Variants in CFAP47 observed in about 807,000 individuals in gnomAD.
CFAP47 encodes the protein cilia and flagella associated protein 47, also known as cilia- and flagella-associated protein 47.
Under a neutral mutation model 148.1 loss-of-function variants are expected in CFAP47, and 29 were observed. The observed-to-expected ratio is 0.20, with a 90% confidence interval of 0.15 to 0.27. CFAP47 has a LOEUF of 0.27. CFAP47 is among the 10% of genes least tolerant of loss of function. The probability of loss-of-function intolerance (pLI) is 1.00; values close to 1 mark genes in which losing one functional copy is unlikely to be tolerated. For missense variants in CFAP47, 1,872 were observed against 1,697.5 expected, an observed-to-expected ratio of 1.10 and a Z score of -1.81; for synonymous variants, 664 against 577.3, an observed-to-expected ratio of 1.15 and a Z score of -2.15.
At chrX:36,141,398 G>A (rs1351647747) in intron 35 of CFAP47, among the ~76,000 whole-genome samples, 1 of 111,544 alleles carries the variant, frequency 9.0e-6, no homozygotes, top group Non-Finnish European at 1.9e-5. Flanking sequence ...CTCTGGAAGG[G>A]AGAGAAAGCA....
At chrX:36,035,949 GTTAT>G in intron 24 of CFAP47, 95 bp downstream of exon 24, 1 of 271,250 alleles carries the variant, frequency 3.7e-6, no homozygotes, top group Non-Finnish European at 6.5e-6. Flanking sequence ...TAGATTATTT[GTTAT>G]TTCTTTTAAT....
intron 44 of CFAP47, 64 bp from the exon 45 acceptor site, chrX:36,204,893 G>A: frequency 6.8e-6 from 2 of 294,771 alleles, no homozygotes; most frequent in Non-Finnish European, 1.2e-5. Context: ...ACATAATGCT[G>A]TCTTTTGTGT....
intron 60 of CFAP47, among the ~76,000 whole-genome samples, chrX:36,354,480 C>CA (rs869120972): frequency 0.16 from 6,249 of 39,859 alleles, 456 homozygotes; most frequent in East Asian, 0.34. Context: ...GACTCTGTCT[C>CA]AAAAAAAAAA....
intron 62 of CFAP47, among the ~76,000 whole-genome samples, 164 bp from the exon 63 acceptor site, chrX:36,379,186 G>A (rs1378812717): frequency 9.8e-5 from 11 of 112,389 alleles, no homozygotes; most frequent in African/African-American, 3.6e-4. Flanking sequence ...AATGACTTCA[G>A]TAATTTTTTT....
chrX:35,967,619 G>C lies in CFAP47; in HGVS notation c.1601G>C (p.Gly534Ala), dbSNP rs1301436302. The C allele has an allele frequency of 8.4e-7, 1 of 1,194,983 alleles. No individual in the cohort carries two copies. The highest frequency in any genetic ancestry group is 1.8e-5 in the South Asian group (1 of 56,379). Residue 534 changes from glycine (G) to alanine (A), a missense_variant and splice_region_variant, in exon 10 of 64, where the codon GGT becomes GCT. Physicochemically the swap from Gly to Ala is moderately conservative, Grantham distance 60. Transcript: ENST00000378653. ...AAACTTATATTCAATTCTATAAAAGGTATATTGCCTTCGATCCGTAATCCC... is the reference window on the plus strand; with the variant it reads ...AAACTTATATTCAATTCTATAAAAGCTATATTGCCTTCGATCCGTAATCCC... ...TKKVVMKFDPGILPSIRNPTG... is the reference protein window; with the variant it reads ...TKKVVMKFDPAILPSIRNPTG...
chrX:36,271,939 G>A (rs189203215), intron 49 of CFAP47, among the ~76,000 whole-genome samples: 2 of 111,805 alleles, frequency 1.8e-5, no homozygotes, highest in East Asian at 2.8e-4. Context: ...ACAGTGGCAG[G>A]CACATCAATT....
chrX:35,998,327 T>G (rs1936872683), intron 19 of CFAP47, among the ~76,000 whole-genome samples: 1 of 111,445 alleles, frequency 9.0e-6, no homozygotes, highest in Non-Finnish European at 1.9e-5. Context: ...GTTGTTGTTC[T>G]TGCCAGCGCT....
intron 45 of CFAP47, among the ~76,000 whole-genome samples, chrX:36,228,075 T>C (rs1258060815): frequency 2.7e-5 from 3 of 111,496 alleles, no homozygotes; most frequent in Non-Finnish European, 5.7e-5. Flanking sequence ...AAAAAATTAT[T>C]TCTATCTGCT....
intron 39 of CFAP47, among the ~76,000 whole-genome samples, chrX:36,167,476 A>C (rs757166256): frequency 1.2e-3 from 130 of 111,281 alleles, no homozygotes; most frequent in Non-Finnish European, 2.3e-3. Flanking sequence ...CACCTTACGA[A>C]CTGGGCAAAG....
intron 62 of CFAP47, among the ~76,000 whole-genome samples, chrX:36,371,363 C>G (rs1556021308): frequency 9.1e-6 from 1 of 109,293 alleles, no homozygotes; most frequent in East Asian, 2.9e-4. Flanking sequence ...CAAATGGTTT[C>G]CTAGTAATAT....
At chrX:36,307,248 C>T (rs1375113334) in intron 55 of CFAP47, among the ~76,000 whole-genome samples, 5 of 111,139 alleles carry the variant, frequency 4.5e-5, no homozygotes, top group African/African-American at 1.3e-4. Context: ...GTTATTTTTT[C>T]CACTGCATTT....
At chrX:36,237,399 G>A (rs1468006706) in intron 48 of CFAP47, among the ~76,000 whole-genome samples, 1 of 108,830 alleles carries the variant, frequency 9.2e-6, no homozygotes, top group African/African-American at 3.4e-5. Flanking sequence ...GTATGATCTC[G>A]GCTCACTGCA....
Position 35,968,414 on chromosome X carries a change from T to C in CFAP47, c.1814+582T>C, listed in dbSNP as rs145820706. Reference sequence around the variant, plus strand: ...ATCCAAATCTCAAATAAATTACTAATTTTCCAATGGTTAGTGAGAAGTGAA... The same window carrying C: ...ATCCAAATCTCAAATAAATTACTAACTTTCCAATGGTTAGTGAGAAGTGAA... On this transcript the variant is annotated intron_variant, in intron 10 of 63. Transcript: ENST00000378653. 5.8e-3 allele frequency among the ~76,000 whole-genome samples: 651 copies of C among 111,736 alleles called. 7 individuals carry two copies. The highest frequency in any genetic ancestry group is 0.02 in the African/African-American group (623 of 30,839).
At chrX:36,278,400 T>C (rs926050248) in intron 49 of CFAP47, among the ~76,000 whole-genome samples, 3 of 112,921 alleles carry the variant, frequency 2.7e-5, no homozygotes, top group Admixed American at 1.9e-4. Flanking sequence ...GCCAAGCCAG[T>C]CGTGGGATAT....
At chrX:36,292,477 C>T (rs1941202800) in intron 51 of CFAP47, among the ~76,000 whole-genome samples, 1 of 111,762 alleles carries the variant, frequency 8.9e-6, no homozygotes, top group Non-Finnish European at 1.9e-5. Context: ...ATATGCCTTA[C>T]TTAATATTAT....
intron 61 of CFAP47, among the ~76,000 whole-genome samples, chrX:36,366,116 TGAGTAATTTTATAGTCCCACCTAAGAA>T (rs1276618490): frequency 5.4e-5 from 6 of 111,861 alleles, no homozygotes; most frequent in Middle Eastern, 4.6e-3. Context: ...ACAAAATGGT[TGAGTAATTTTATAGTCCCACCTAAGAA>T]GAGTAAGAGT....
chrX:36,093,667 T>TA (rs1422788136), intron 30 of CFAP47, among the ~76,000 whole-genome samples: 7 of 110,739 alleles, frequency 6.3e-5, no homozygotes, highest in Non-Finnish European at 1.1e-4. Context: ...TGATTGAAGG[T>TA]AAAAAAAGAA....
Position 36,356,606 on chromosome X carries a change from C to T in CFAP47, c.8851+2925C>T, listed in dbSNP as rs190313698. Among the ~76,000 whole-genome samples, 3 of 110,756 alleles carry T rather than the reference C, an allele frequency of 2.7e-5. No individual in the cohort carries two copies. The East Asian group carries it at 8.6e-4, about 32-fold the overall frequency. Reference sequence around the variant, plus strand: ...TTTCTTTATGAAAGGACAAATCTTACCAGAAAGTCTGAATACTACTTTAGT... The same window carrying T: ...TTTCTTTATGAAAGGACAAATCTTATCAGAAAGTCTGAATACTACTTTAGT... On this transcript the variant is annotated intron_variant, in intron 60 of 63. Coordinates refer to ENST00000378653, the MANE Select transcript of CFAP47 (RefSeq NM_001304548.2).
At chrX:36,302,719 A>C (rs1023309542) in intron 53 of CFAP47, among the ~76,000 whole-genome samples, 1 of 111,991 alleles carries the variant, frequency 8.9e-6, no homozygotes, top group East Asian at 2.8e-4. Context: ...TTAGAGCATA[A>C]ATAGTCACAT....
Sources: gnomAD v4.1 joint callset for allele counts (sites outside exome capture counted in the v4.1 genomes callset) on GRCh38, gnomAD v4.1.1 for gene constraint, MANE v1.5 for transcripts, NCBI Gene and HGNC (gene_info 2026-07-23, HGNC 2026-07-21) for gene names.